The following ARHGAP6 variants were observed in gnomAD, a reference collection of about 807,000 sequenced individuals.
ARHGAP6 encodes the protein Rho GTPase activating protein 6.
ARHGAP6 carries 16 observed loss-of-function variants against 55.7 expected under a neutral mutation model. The observed-to-expected ratio is 0.29, with a 90% CI of 0.19 to 0.44. The LOEUF is 0.44. ARHGAP6 is among the 20% of genes least tolerant of loss of function. The pLI is 1.00. For synonymous variants in ARHGAP6, 382 were observed against 360.9 expected, an observed-to-expected ratio of 1.06 and a Z score of -0.66; for missense variants, 698 against 808.9, an observed-to-expected ratio of 0.86 and a Z score of 1.66.
intron 1 of ARHGAP6, among the ~76,000 whole-genome samples, chrX:11,417,360 G>T (rs1038346672): frequency 3.7e-5 from 4 of 108,051 alleles, no homozygotes; most frequent in Non-Finnish European, 7.7e-5. Context: ...AATACAAAGG[G>T]GTAGCATGGG....
intron 8 of ARHGAP6, among the ~76,000 whole-genome samples, chrX:11,175,361 G>T (rs2046197452): frequency 8.9e-6 from 1 of 111,914 alleles, no homozygotes; most frequent in African/African-American, 3.3e-5. Flanking sequence ...TTAATCTTTG[G>T]CTATTAGTCT....
At chrX:11,640,006 GA>G (rs1431224402) in intron 1 of ARHGAP6, among the ~76,000 whole-genome samples, 3 of 111,392 alleles carry the variant, frequency 2.7e-5, no homozygotes, top group Non-Finnish European at 5.7e-5. Flanking sequence ...TTTTGTGCCA[GA>G]AAAAAAGTAC....
rs773605682 is a variant in ARHGAP6, at chrX:11,436,586, A to C, written c.589-181879T>G. Among the ~76,000 whole-genome samples the C allele has an allele frequency of 3.6e-5, 4 of 112,275 alleles. No homozygotes were observed. The South Asian group carries it at 1.5e-3, about 42-fold the overall frequency. ...CATATGTCCACAAAAACTTGTATAC[A>C]TATGTTTATGGTAGAATTATTCATA... On this transcript the variant is annotated intron_variant, in intron 1 of 12. Coordinates refer to ENST00000337414, the MANE Select transcript of ARHGAP6 (RefSeq NM_013427.3).
intron 8 of ARHGAP6, among the ~76,000 whole-genome samples, chrX:11,176,232 CATATATATATATATATATAT>C (rs746195419): frequency 4.2e-5 from 1 of 23,917 alleles, no homozygotes; most frequent in African/African-American, 1.5e-4. Context: ...AGAGGATTTG[CATATATATATATATATATAT>C]ATATATATAT....
intron 1 of ARHGAP6, among the ~76,000 whole-genome samples, chrX:11,516,591 A>G (rs1312084189): frequency 8.9e-6 from 1 of 112,255 alleles, no homozygotes. Flanking sequence ...TTTAACACAT[A>G]CCGTGATAAG....
chrX:11,569,564 A>G (rs779795216), intron 1 of ARHGAP6, among the ~76,000 whole-genome samples: 81 of 111,782 alleles, frequency 7.2e-4, no homozygotes, highest in Non-Finnish European at 1.4e-3. Context: ...TCTACCACCA[A>G]TGGGAACATT....
chrX:11,393,685 A>T (rs1243570623), intron 1 of ARHGAP6, among the ~76,000 whole-genome samples: 1 of 111,376 alleles, frequency 9.0e-6, no homozygotes, highest in East Asian at 2.8e-4. Context: ...GTGTAGTATT[A>T]TTTCATAATC....
chrX:11,617,996 T>A (rs1191916562), intron 1 of ARHGAP6, among the ~76,000 whole-genome samples: 1 of 111,409 alleles, frequency 9.0e-6, no homozygotes, highest in Non-Finnish European at 1.9e-5. Context: ...TTCACAATAA[T>A]CACAAGAGTA....
intron 8 of ARHGAP6, among the ~76,000 whole-genome samples, chrX:11,177,534 G>A (rs912853794): frequency 1.8e-5 from 2 of 111,427 alleles, no homozygotes; most frequent in African/African-American, 6.5e-5. Flanking sequence ...TCCACACCTG[G>A]TTTGGAAGCA....
At chrX:11,602,634 C>T (rs765087955) in intron 1 of ARHGAP6, among the ~76,000 whole-genome samples, 1 of 112,879 alleles carries the variant, frequency 8.9e-6, no homozygotes, top group Non-Finnish European at 1.9e-5. Context: ...CAACCTCTTG[C>T]AAGAGGAGGT....
intron 2 of ARHGAP6, among the ~76,000 whole-genome samples, chrX:11,241,019 G>A (rs1017316349): frequency 1.3e-4 from 14 of 104,821 alleles, no homozygotes; most frequent in Non-Finnish European, 2.5e-4. Context: ...AGCTATGATC[G>A]TGTCACTGCA....
chrX:11,157,285 G>C, intron 9 of ARHGAP6, among the ~76,000 whole-genome samples: 1 of 112,373 alleles, frequency 8.9e-6, no homozygotes, highest in Non-Finnish European at 1.9e-5. Context: ...AACAGTACTT[G>C]GTCAATGGTA....
At chrX:11,350,540 A>G (rs1198483309) in intron 1 of ARHGAP6, among the ~76,000 whole-genome samples, 2 of 111,996 alleles carry the variant, frequency 1.8e-5, no homozygotes, top group African/African-American at 6.5e-5. Flanking sequence ...AGTGTAGCTT[A>G]GAAATATCAA....
intron 6 of ARHGAP6, among the ~76,000 whole-genome samples, chrX:11,180,967 T>C (rs2046307054): frequency 8.9e-6 from 1 of 112,679 alleles, no homozygotes; most frequent in Admixed American, 9.4e-5. Context: ...TTAAACTGTG[T>C]GATCTTGAAT....
rs1411322003 is a variant in ARHGAP6 at position 11,173,394 on chromosome X, C to T, written c.1630-3710G>A. ...TTGCCTCATAGACCCTTTGAGAACT[C>T]AATGCCAGCTACGGACTCTCACCAA... On this transcript the variant is annotated intron_variant, in intron 8 of 12. Coordinates refer to ENST00000337414, the MANE Select transcript of ARHGAP6 (RefSeq NM_013427.3). Among the ~76,000 whole-genome samples the T allele has an allele frequency of 8.9e-5, 10 of 111,852 alleles. No individual in the cohort carries two copies. In the Admixed American group the frequency reaches 9.4e-4, roughly 11 times the overall value.
chrX:11,578,923 C>T lies in ARHGAP6; in HGVS notation c.588+85318G>A, dbSNP rs1236025532. Among the ~76,000 whole-genome samples the T allele has an allele frequency of 6.4e-5, 7 of 108,827 alleles. No homozygotes were observed. In the East Asian group the frequency reaches 8.6e-4, roughly 13 times the overall value. 94.5% of individuals were successfully genotyped at this position (108,827 alleles called of 115,157 possible). On this transcript the variant is annotated intron_variant, in intron 1 of 12. Transcript: ENST00000337414. Reference sequence around the variant, plus strand: ...GAAACCCTAATTCTGAGCAAACTGTCGCAAGGACAGTAAACCAAACAACGC... The same window carrying T: ...GAAACCCTAATTCTGAGCAAACTGTTGCAAGGACAGTAAACCAAACAACGC...
intron 1 of ARHGAP6, among the ~76,000 whole-genome samples, chrX:11,366,893 G>C (rs1409772341): frequency 1.8e-5 from 2 of 112,029 alleles, no homozygotes; most frequent in Non-Finnish European, 3.8e-5. Context: ...ATAAAAGGGT[G>C]AAAGAAATGT....
chrX:11,238,184 T>C (rs1442661401), intron 2 of ARHGAP6, among the ~76,000 whole-genome samples: 1 of 112,852 alleles, frequency 8.9e-6, no homozygotes, highest in African/African-American at 3.2e-5. Flanking sequence ...TCTCAGTTTC[T>C]GTTTTAAACA....
At chrX:11,483,835 G>A (rs956538018) in intron 1 of ARHGAP6, among the ~76,000 whole-genome samples, 2 of 111,103 alleles carry the variant, frequency 1.8e-5, no homozygotes, top group African/African-American at 6.6e-5. Flanking sequence ...CTGTTGGATT[G>A]TGATTATCTT....
Sources: allele counts gnomAD v4.1 joint callset (sites outside exome capture counted in the v4.1 genomes callset), GRCh38; gene constraint gnomAD v4.1.1; transcripts MANE v1.5; gene names NCBI Gene and HGNC (gene_info 2026-07-23, HGNC 2026-07-21).